The following L3MBTL4 variants were observed in gnomAD, a reference collection of about 807,000 sequenced individuals.
L3MBTL4 encodes the protein L3MBTL histone methyl-lysine binding protein 4.
A neutral mutation model predicts 84.5 loss-of-function variants in L3MBTL4; 70 were observed. That is an observed-to-expected ratio of 0.83 (90% CI 0.68 to 1.01). L3MBTL4 has a LOEUF of 1.01. Among genes scored for constraint, L3MBTL4 ranks in the 50% least tolerant of loss-of-function variants. The pLI, the probability that L3MBTL4 is intolerant of heterozygous loss-of-function variation, is 0.00. For missense variants in L3MBTL4, 715 were observed against 754.8 expected, an observed-to-expected ratio of 0.95 and a Z score of 0.62; for synonymous variants, 274 against 259.8, an observed-to-expected ratio of 1.05 and a Z score of -0.52.
chr18:6,151,013 A>G (rs1341970628), intron 13 of L3MBTL4, among the ~76,000 whole-genome samples: 1 of 152,194 alleles, frequency 6.6e-6, no homozygotes, highest in East Asian at 1.9e-4. Context: ...AGGCTCCACA[A>G]GGTCAGAGGC....
In L3MBTL4 at chr18:6,174,784, C is replaced by T. The variant is rs377737575; in HGVS notation, c.982-2842G>A. On this transcript the variant is annotated intron_variant, in intron 12 of 18. Transcript: ENST00000317931. ...TTGGGAGGCTGAAGCACAAGGATGG[C>T]TTGAACATGGGAAGCGGAGTTTGCA... Among the ~76,000 whole-genome samples, 9 of 150,300 alleles carry T rather than the reference C, an allele frequency of 6.0e-5. No individual in the cohort carries two copies. In the East Asian group the frequency reaches 9.8e-4, roughly 16 times the overall value.
chr18:6,085,098 T>A (rs913781375), intron 15 of L3MBTL4, among the ~76,000 whole-genome samples: 19 of 152,238 alleles, frequency 1.2e-4, no homozygotes, highest in African/African-American at 4.6e-4. Flanking sequence ...TCATACAGTA[T>A]GTTTAGTTTG....
In L3MBTL4 at chr18:5,960,147, ACT is replaced by A. The variant is rs2095256603; in HGVS notation, c.1622_1623del (p.Glu541ValfsTer9). Reference protein sequence around the residue: ...VARWTVDEVAEFVQSLLGCEE... With the variant: ...VARWTVDEVAXFVQSLLGCEE... ...TCACAGCCCAGAAGAGACTGTACAA[ACT>A]CAGCCACCTACAGTGCGAGATGAAA... On this transcript the variant is annotated frameshift_variant, in exon 18 of 19. Transcript: ENST00000317931. LOFTEE classifies it high-confidence loss of function. 6.3e-7 allele frequency: 1 copy of A among 1,593,656 alleles called. No individual in the cohort carries two copies. Among genetic ancestry groups the A allele is most frequent in the African/African-American group, 1.3e-5 (1 of 74,368 alleles).
At chr18:6,257,975 C>A (rs1023825070) in intron 5 of L3MBTL4, among the ~76,000 whole-genome samples, 1 of 152,062 alleles carries the variant, frequency 6.6e-6, no homozygotes, top group Non-Finnish European at 1.5e-5. Flanking sequence ...AGAGAAGAAA[C>A]GTCAGCTTAC....
In L3MBTL4 at chr18:6,410,633, G is replaced by C. The variant is rs535463877; in HGVS notation, c.-91+4168C>G. 5.3e-5 allele frequency among the ~76,000 whole-genome samples: 8 copies of C among 152,260 alleles called. No individual in the cohort carries two copies. The East Asian group carries it at 1.5e-3, about 29-fold the overall frequency. ...TGTAAAAGTGTTATACTCTCTATCT[G>C]TCCCTCTAGTTAAACACATTCTCTC... is the stretch of plus-strand genomic sequence containing the variant. On this transcript the variant is annotated intron_variant, in intron 1 of 18. Coordinates refer to ENST00000317931, the MANE Select transcript of L3MBTL4 (RefSeq NM_001330559.2).
At chr18:6,317,148 C>T (rs927896259) in intron 1 of L3MBTL4, among the ~76,000 whole-genome samples, 3 of 152,040 alleles carry the variant, frequency 2.0e-5, no homozygotes, top group Non-Finnish European at 4.4e-5. Flanking sequence ...TCTGGGAAAG[C>T]CACAATACAA....
intron 5 of L3MBTL4, chr18:6,260,896 C>G (rs1331484137): frequency 2.0e-5 from 3 of 152,208 alleles, no homozygotes; most frequent in Non-Finnish European, 4.4e-5. Flanking sequence ...CATGAACCAT[C>G]TGCCTTTTTG....
In L3MBTL4 at chr18:6,072,865, C is replaced by CA. The variant is rs71370542; in HGVS notation, c.1444+8015dup. Among the ~76,000 whole-genome samples, 11 of 3,066 alleles carry CA rather than the reference C, an allele frequency of 3.6e-3. 3 individuals are homozygous for CA. Among genetic ancestry groups the CA allele is most frequent in the Non-Finnish European group, 3.8e-3 (10 of 2,648 alleles). 2.0% of individuals were successfully genotyped at this position (3,066 alleles called of 152,430 possible). On this transcript the variant is annotated intron_variant, in intron 16 of 18. Transcript: ENST00000317931. ...GGTGACAGAGAGAGAGACTCCGTCT[C>CA]AAAAAAAAAAAAAAAAATATATATA...
chr18:6,274,344 T>C (rs1377884450), intron 4 of L3MBTL4, among the ~76,000 whole-genome samples: 12 of 152,210 alleles, frequency 7.9e-5, no homozygotes, highest in Admixed American at 7.2e-4. Flanking sequence ...TTAAGAACTA[T>C]TGCTCCCTAT....
chr18:6,372,244 A>G (rs1364941726), intron 1 of L3MBTL4, among the ~76,000 whole-genome samples: 1 of 152,160 alleles, frequency 6.6e-6, no homozygotes, highest in Non-Finnish European at 1.5e-5. Flanking sequence ...TATGATGCAA[A>G]TACACTGCAT....
chr18:5,978,337 A>G (rs913555307), intron 16 of L3MBTL4, among the ~76,000 whole-genome samples: 14 of 152,316 alleles, frequency 9.2e-5, no homozygotes, highest in Admixed American at 5.9e-4. Flanking sequence ...CATCCAATAC[A>G]AGACCTCCAT....
intron 10 of L3MBTL4, among the ~76,000 whole-genome samples, chr18:6,227,291 A>G (rs1429568066): frequency 6.6e-6 from 1 of 152,208 alleles, no homozygotes; most frequent in African/African-American, 2.4e-5. Flanking sequence ...ACTTGAACTA[A>G]TTGATTATTG....
chr18:6,051,349 G>C (rs1013334748), intron 16 of L3MBTL4, among the ~76,000 whole-genome samples: 3 of 152,148 alleles, frequency 2.0e-5, no homozygotes, highest in African/African-American at 7.2e-5. Flanking sequence ...GACCAGCCTG[G>C]CCAACATGGT....
At chr18:6,160,003 C>A (rs2043256518) in intron 13 of L3MBTL4, among the ~76,000 whole-genome samples, 1 of 152,054 alleles carries the variant, frequency 6.6e-6, no homozygotes, top group African/African-American at 2.4e-5. Flanking sequence ...AAAACAAGGG[C>A]TGAAGGGGCA....
At chr18:6,089,997 T>C (rs544608141) in intron 15 of L3MBTL4, among the ~76,000 whole-genome samples, 1 of 152,322 alleles carries the variant, frequency 6.6e-6, no homozygotes, top group African/African-American at 2.4e-5. Context: ...AAAGGTTATG[T>C]ATGTGCAAAC....
chr18:6,255,624 C>T (rs975324579), intron 5 of L3MBTL4, among the ~76,000 whole-genome samples: 4 of 152,124 alleles, frequency 2.6e-5, no homozygotes, highest in South Asian at 2.1e-4. Flanking sequence ...TTCCTTCTTT[C>T]GTCTCGATAT....
intron 7 of L3MBTL4, among the ~76,000 whole-genome samples, chr18:6,242,554 A>G (rs544201890): frequency 6.6e-6 from 1 of 152,240 alleles, no homozygotes; most frequent in African/African-American, 2.4e-5. Flanking sequence ...AACCTCAAGG[A>G]CTCTGCCATC....
chr18:6,297,391 T>G (rs1247696167), intron 4 of L3MBTL4, among the ~76,000 whole-genome samples: 1 of 152,154 alleles, frequency 6.6e-6, no homozygotes, highest in Admixed American at 6.5e-5. Flanking sequence ...AAGTCTATAG[T>G]TTAGTGAATA....
chr18:6,147,410 T>C (rs2042701401), intron 13 of L3MBTL4, among the ~76,000 whole-genome samples: 1 of 152,160 alleles, frequency 6.6e-6, no homozygotes, highest in South Asian at 2.1e-4. Flanking sequence ...ACACCATGTT[T>C]GCTTGTACCT....
Sources: gnomAD v4.1 joint callset for allele counts (sites outside exome capture counted in the v4.1 genomes callset) on GRCh38, gnomAD v4.1.1 for gene constraint, MANE v1.5 for transcripts, NCBI Gene and HGNC (gene_info 2026-07-23, HGNC 2026-07-21) for gene names.